XPO6: variants seen among roughly 807,000 people sequenced by gnomAD.
The protein encoded by XPO6 is exportin 6.
Under a neutral mutation model 130.0 loss-of-function variants are expected in XPO6, and 3 were observed. That is an observed-to-expected ratio of 0.02 (90% CI 0.01 to 0.06). The LOEUF (loss-of-function observed/expected upper bound fraction) is 0.06, where lower values mean the gene tolerates loss of function less well. Among genes scored for constraint, XPO6 ranks in the 10% least tolerant of loss-of-function variants. The probability of loss-of-function intolerance (pLI) is 1.00; values close to 1 mark genes in which losing one functional copy is unlikely to be tolerated. For synonymous variants in XPO6, 524 were observed against 548.9 expected, an observed-to-expected ratio of 0.95 and a Z score of 0.63; for missense variants, 970 against 1,393.0, an observed-to-expected ratio of 0.70 and a Z score of 4.83.
At chr16:28,205,953 G>A (rs1247755796) in intron 1 of XPO6, among the ~76,000 whole-genome samples, 4 of 145,964 alleles carry the variant, frequency 2.7e-5, no homozygotes, top group African/African-American at 7.5e-5. Flanking sequence ...CAGGAGAATC[G>A]CTTGAACCCA....
intron 5 of XPO6, chr16:28,166,804 C>A (rs2141845722): frequency 2.0e-6 from 2 of 985,422 alleles, no homozygotes; most frequent in South Asian, 4.7e-5. Flanking sequence ...GGCCTCTCCC[C>A]ACTGTTGCCT....
rs1424416524 is a variant in XPO6 at position 28,122,202 on chromosome 16, A to G, written c.1767-440T>C. On this transcript the variant is annotated intron_variant, in intron 13 of 23. Transcript: ENST00000304658. ...TCACCAAAATATGCTTATTGGTACC[A>G]CTTGTTTTAGGGGGAGGATAGAGTG... 2.0e-5 allele frequency among the ~76,000 whole-genome samples: 3 copies of G among 152,080 alleles called. No individual in the cohort carries two copies. In the East Asian group the frequency reaches 5.8e-4, roughly 29 times the overall value.
At position 28,153,076 on chromosome 16, in the gene XPO6, T is replaced by C. The variant is rs2043122473; in HGVS notation, c.1098-291A>G. 3 of 1,054,090 alleles carry C rather than the reference T, an allele frequency of 2.8e-6. No individual in the cohort carries two copies. In the East Asian group the frequency reaches 2.9e-4, roughly 101 times the overall value. 65.3% of individuals were successfully genotyped at this position (1,054,090 alleles called of 1,614,324 possible). Reference sequence around the variant, plus strand: ...CATTTGTGTTGTGACCCAATTAAAGTGAAGGGAAATGATAAAAAGTTGATG... The same window carrying C: ...CATTTGTGTTGTGACCCAATTAAAGCGAAGGGAAATGATAAAAAGTTGATG... On this transcript the variant is annotated intron_variant, in intron 7 of 23. Coordinates refer to ENST00000304658, the MANE Select transcript of XPO6 (RefSeq NM_015171.4).
chr16:28,201,456 T>C (rs542438596), intron 1 of XPO6, among the ~76,000 whole-genome samples: 68 of 152,110 alleles, frequency 4.5e-4, no homozygotes, highest in Middle Eastern at 3.4e-3. Context: ...AAAGAACTAA[T>C]CCTCCTCACC....
At position 28,135,330 on chromosome 16, in the gene XPO6, T is replaced by G. The variant is rs558708616; in HGVS notation, c.1335-6A>C. On this transcript the variant is annotated splice_polypyrimidine_tract_variant and splice_region_variant and intron_variant, in intron 9 of 23. Transcript: ENST00000304658. The stretch of plus-strand genomic sequence containing the variant: ...GCACCAGGGCATCTTCGTACCTATG[T>G]GGCAGGGAGAAATTCAACATTGAAA... The G allele has an allele frequency of 9.9e-6, 16 of 1,612,622 alleles. No homozygotes were observed. The African/African-American group carries it at 2.0e-4, about 20-fold the overall frequency.
At chr16:28,140,097 T>A (rs2042859166) in intron 9 of XPO6, among the ~76,000 whole-genome samples, 1 of 151,934 alleles carries the variant, frequency 6.6e-6, no homozygotes, top group African/African-American at 2.4e-5. Flanking sequence ...CCAGGCGTGG[T>A]GGCGGGCACC....
At chr16:28,104,988 G>A (rs992351688) in intron 20 of XPO6, among the ~76,000 whole-genome samples, 2 of 152,260 alleles carry the variant, frequency 1.3e-5, no homozygotes, top group Non-Finnish European at 2.9e-5. Flanking sequence ...TCAGTGCCAA[G>A]GGCCCCTTTT....
chr16:28,110,556 A>G (rs1220443683), intron 17 of XPO6, among the ~76,000 whole-genome samples: 1 of 152,230 alleles, frequency 6.6e-6, no homozygotes, highest in African/African-American at 2.4e-5. Flanking sequence ...GTTTGTTACC[A>G]CTGAGCATAT....
chr16:28,154,166 T>C (rs149194189), intron 7 of XPO6: 37 of 981,706 alleles, frequency 3.8e-5, no homozygotes, highest in Non-Finnish European at 4.5e-5. Flanking sequence ...CTCACTTATG[T>C]ACCGCATGAT....
At chr16:28,190,382 G>T (rs2043767540) in intron 1 of XPO6, among the ~76,000 whole-genome samples, 1 of 151,986 alleles carries the variant, frequency 6.6e-6, no homozygotes, top group Non-Finnish European at 1.5e-5. Context: ...ACCACACCTG[G>T]CTAATTTTTT....
At chr16:28,146,235 T>A in intron 8 of XPO6, 32 bp from the exon 9 acceptor site, 1 of 1,433,162 alleles carries the variant, frequency 7.0e-7, no homozygotes, top group Middle Eastern at 1.7e-4. Flanking sequence ...GACAATGAAA[T>A]TATTTAATGC....
chr16:28,167,274 C>T (rs2043371673), intron 5 of XPO6: 1 of 985,306 alleles, frequency 1.0e-6, no homozygotes, highest in Admixed American at 6.2e-5. Context: ...ATGCTACGTG[C>T]ATATCCCAAA....
chr16:28,171,168 A>T (rs2043442567), intron 4 of XPO6, among the ~76,000 whole-genome samples: 1 of 151,578 alleles, frequency 6.6e-6, no homozygotes, highest in Admixed American at 6.6e-5. Flanking sequence ...TATATTCTTC[A>T]CTTCAAGAAA....
At chr16:28,191,946 T>C (rs1596960759) in intron 1 of XPO6, among the ~76,000 whole-genome samples, 2 of 152,218 alleles carry the variant, frequency 1.3e-5, no homozygotes, top group East Asian at 3.8e-4. Context: ...TATTCCCAGG[T>C]AGACTTGGCA....
chr16:28,181,131 T>C, intron 1 of XPO6, 100 bp from the exon 2 acceptor site: 1 of 861,222 alleles, frequency 1.2e-6, no homozygotes, highest in Non-Finnish European at 1.8e-6. Flanking sequence ...GCAATTTACT[T>C]CCTCAAAATC....
At chr16:28,105,936 T>G in intron 20 of XPO6, 107 bp downstream of exon 20, 1 of 1,504,250 alleles carries the variant, frequency 6.6e-7, no homozygotes, top group Non-Finnish European at 9.0e-7. Context: ...ACAAGCATAT[T>G]AAACTAACAA....
At chr16:28,183,387 C>G (rs1220759036) in intron 1 of XPO6, 2 of 142,112 alleles carry the variant, frequency 1.4e-5, no homozygotes, top group African/African-American at 5.2e-5. Flanking sequence ...ACTCCTTGTT[C>G]TACTCTTTCC....
At position 28,176,093 on chromosome 16, in the gene XPO6, A is replaced by G. The variant is rs1455386739; in HGVS notation, c.210T>C (p.Asn70=). 1 of 1,613,970 alleles carries G rather than the reference A, an allele frequency of 6.2e-7. No homozygotes were observed. The highest frequency in any genetic ancestry group is 1.3e-5 in the African/African-American group (1 of 74,934). ...VMMYSLTVFE[N]LINKMWLGVP... is the part of the protein sequence containing the mutation. The stretch of plus-strand genomic sequence containing the variant: ...CCCCAAGCCACATTTTATTGATCAG[A>G]TTCTGAAAAACAAATATACATCTTT... Residue 70 remains asparagine (N), a splice_region_variant and synonymous_variant, in exon 4 of 24, where the codon AAT becomes AAC. Transcript: ENST00000304658.
intron 16 of XPO6, among the ~76,000 whole-genome samples, chr16:28,112,365 G>A (rs185738101): frequency 5.3e-5 from 8 of 152,308 alleles, no homozygotes; most frequent in Admixed American, 4.6e-4. Context: ...AGCAGGACTT[G>A]CAGGAGAATC....
Sources: gnomAD v4.1 joint callset for allele counts (sites outside exome capture counted in the v4.1 genomes callset) on GRCh38, gnomAD v4.1.1 for gene constraint, MANE v1.5 for transcripts, NCBI Gene and HGNC (gene_info 2026-07-23, HGNC 2026-07-21) for gene names.